DOCK8: variants seen among roughly 807,000 people sequenced by gnomAD.
DOCK8 encodes the protein dedicator of cytokinesis 8.
Under a neutral mutation model 245.6 loss-of-function variants are expected in DOCK8, and 141 were observed. That is an observed-to-expected ratio of 0.57 (90% CI 0.50 to 0.66). DOCK8 has a LOEUF of 0.66. DOCK8 is among the 30% of genes least tolerant of loss of function. The pLI is 0.00. For synonymous variants in DOCK8, 1,168 were observed against 970.2 expected (o/e 1.20, Z -3.79); for missense variants, 2,965 against 2,603.4 (o/e 1.14, Z -3.02).
intron 12 of DOCK8, among the ~76,000 whole-genome samples, chr9:338,174 G>A (rs374391564): frequency 2.6e-5 from 4 of 151,268 alleles, no homozygotes; most frequent in African/African-American, 9.8e-5. Context: ...AAAAAAAAGA[G>A]GTAATATGGT....
At chr9:364,032 A>G (rs530277480) in intron 14 of DOCK8, among the ~76,000 whole-genome samples, 1 of 152,300 alleles carries the variant, frequency 6.6e-6, no homozygotes, top group East Asian at 1.9e-4. Flanking sequence ...GGCGCCTTTT[A>G]ATTAATTCAA....
At chr9:242,923 C>T (rs1322849392) in intron 1 of DOCK8, among the ~76,000 whole-genome samples, 1 of 152,068 alleles carries the variant, frequency 6.6e-6, no homozygotes, top group South Asian at 2.1e-4. Flanking sequence ...CCAGAGGTAG[C>T]CTTACAGCAT....
At chr9:448,315 C>T (rs1380951749) in intron 44 of DOCK8, among the ~76,000 whole-genome samples, 2 of 152,124 alleles carry the variant, frequency 1.3e-5, no homozygotes, top group East Asian at 3.9e-4. Context: ...ACTTTGTTGC[C>T]CAGTCTGGTC....
chr9:417,964 C>G, intron 29 of DOCK8, 104 bp from the exon 30 acceptor site: 1 of 1,463,758 alleles, frequency 6.8e-7, no homozygotes, highest in Non-Finnish European at 9.4e-7. Flanking sequence ...TTTGAAATTA[C>G]TGTGCTGACT....
chr9:307,338 GTTTTTTTTTTTTTTTTTT>G lies in DOCK8; in HGVS notation c.528+2655_528+2672del, dbSNP rs1165775428. On this transcript the variant is annotated intron_variant, in intron 5 of 47. Transcript: ENST00000432829. ...CACTGTGTTGTGTGTGGTTTTTTTTGTTTTTTTTTTTTTTTTTTTTTTTTTTTTTTTTTTTTTTGAGAT... is the reference window on the plus strand; with the variant it reads ...CACTGTGTTGTGTGTGGTTTTTTTTGTTTTTTTTTTTTTTTTTTTTGAGAT... 2.0e-4 allele frequency among the ~76,000 whole-genome samples: 10 copies of G among 51,240 alleles called. No individual in the cohort carries two copies. The East Asian group carries it at 4.6e-3, about 23-fold the overall frequency. 33.6% of individuals were successfully genotyped at this position (51,240 alleles called of 152,430 possible).
At chr9:382,832 C>G (rs923682586) in intron 22 of DOCK8, 147 bp downstream of exon 22, 1 of 1,079,824 alleles carries the variant, frequency 9.3e-7, no homozygotes, top group African/African-American at 1.6e-5. Flanking sequence ...GATTAACGTT[C>G]TTTAGAACAG....
rs142538921 is a variant in DOCK8, at chr9:262,328, C to G, written c.54-9299C>G. ...TAAAACACTTTAACTGGTCATTTAC[C>G]CAAGAGGAATGAAAGAATGTATCCA... On this transcript the variant is annotated intron_variant, in intron 1 of 47. Transcript: ENST00000432829. Among the ~76,000 whole-genome samples the G allele has an allele frequency of 4.0e-5, 6 of 151,402 alleles. No homozygotes were observed. The East Asian group carries it at 1.2e-3, about 30-fold the overall frequency.
chr9:301,023 T>C (rs2049520934), intron 4 of DOCK8, among the ~76,000 whole-genome samples: 1 of 152,166 alleles, frequency 6.6e-6, no homozygotes, highest in African/African-American at 2.4e-5. Context: ...TACCAAAACC[T>C]GGGAGAGACA....
At chr9:285,191 A>G (rs1409782001) in intron 2 of DOCK8, among the ~76,000 whole-genome samples, 2 of 152,048 alleles carry the variant, frequency 1.3e-5, no homozygotes, top group Non-Finnish European at 2.9e-5. Context: ...CTCCTCCATC[A>G]TCAGGGACAG....
chr9:434,254 GAATA>G (rs1377854438), intron 38 of DOCK8, among the ~76,000 whole-genome samples: 1 of 152,054 alleles, frequency 6.6e-6, no homozygotes, highest in African/African-American at 2.4e-5. Flanking sequence ...ATCAGAGAAA[GAATA>G]ATTAACTGTT....
intron 2 of DOCK8, among the ~76,000 whole-genome samples, chr9:284,889 G>A (rs2048747183): frequency 6.6e-6 from 1 of 152,172 alleles, no homozygotes. Flanking sequence ...GGAGCTAAAT[G>A]ATGAGAACTT....
Position 396,766 on chromosome 9 carries a change from C to T in DOCK8, c.2971-19C>T. On this transcript the variant is annotated intron_variant, in intron 24 of 47. Transcript: ENST00000432829. The stretch of plus-strand genomic sequence containing the variant: ...GTCACCAATCTCCATGTTGACATTT[C>T]CTCCATCCCCCTCCGCAGGTGAAAA... The T allele has an allele frequency of 1.2e-6, 2 of 1,614,096 alleles. No individual in the cohort carries two copies. Among genetic ancestry groups the T allele is most frequent in the Non-Finnish European group, 1.7e-6 (2 of 1,179,992 alleles).
At chr9:448,001 G>A (rs1291401566) in intron 44 of DOCK8, among the ~76,000 whole-genome samples, 1 of 134,978 alleles carries the variant, frequency 7.4e-6, no homozygotes, top group Non-Finnish European at 1.6e-5. Context: ...GTGCCCAAAA[G>A]CATTTCAAAA....
intron 1 of DOCK8, among the ~76,000 whole-genome samples, chr9:257,262 A>G (rs2047799834): frequency 6.6e-6 from 1 of 152,228 alleles, no homozygotes; most frequent in Non-Finnish European, 1.5e-5. Flanking sequence ...AAATTTGGCT[A>G]CATAGCAAGC....
intron 26 of DOCK8, among the ~76,000 whole-genome samples, chr9:401,000 A>T (rs1192075116): frequency 7.8e-5 from 11 of 141,884 alleles, no homozygotes; most frequent in Non-Finnish European, 1.4e-4. Context: ...CACCACCACC[A>T]CCATTAGCTC....
chr9:400,671 T>C (rs1282376733), intron 26 of DOCK8, among the ~76,000 whole-genome samples: 6 of 6,376 alleles, frequency 9.4e-4, no homozygotes, highest in East Asian at 6.5e-3. Context: ...ACCACCAGCA[T>C]CTTCACCATC....
intron 18 of DOCK8, among the ~76,000 whole-genome samples, chr9:374,083 A>G (rs2053415258): frequency 6.6e-6 from 1 of 152,232 alleles, no homozygotes. Context: ...ATATCTGCCT[A>G]TAAGGTTGCT....
intron 24 of DOCK8, 24 bp downstream of exon 24, chr9:390,590 C>T (rs1401338208): frequency 1.2e-5 from 19 of 1,605,102 alleles, no homozygotes; most frequent in Non-Finnish European, 1.6e-5. Flanking sequence ...GCGTTTGTAT[C>T]TGTGCTCAAT....
chr9:400,892 A>ACCT (rs1450123076), intron 26 of DOCK8, among the ~76,000 whole-genome samples: 1 of 87,064 alleles, frequency 1.1e-5, no homozygotes, highest in Non-Finnish European at 2.1e-5. Flanking sequence ...CACCACCACC[A>ACCT]CCTCCCCCAC....
Sources: allele counts gnomAD v4.1 joint callset (sites outside exome capture counted in the v4.1 genomes callset), GRCh38; gene constraint gnomAD v4.1.1; transcripts MANE v1.5; gene names NCBI Gene and HGNC (gene_info 2026-07-23, HGNC 2026-07-21).